The following ENTPD5 variants were observed in gnomAD, a reference collection of about 807,000 sequenced individuals.
ENTPD5 encodes ectonucleoside triphosphate diphosphohydrolase 5 (inactive), also known as nucleoside diphosphate phosphatase ENTPD5.
In ENTPD5, 49 loss-of-function variants were observed where a neutral mutation model predicts 60.2. That is an observed-to-expected ratio of 0.81 (90% CI 0.65 to 1.03). ENTPD5 has a LOEUF of 1.03. Ranked by LOEUF, ENTPD5 falls within the 50% of genes least tolerant of loss-of-function variation. ENTPD5 has a pLI of 0.00. For synonymous variants in ENTPD5, 187 were observed against 185.4 expected (o/e 1.01, Z -0.07); for missense variants, 480 against 507.6 (o/e 0.95, Z 0.52).
chr14:73,960,350 C>A, downstream of ENTPD5: 1 of 986,872 alleles, frequency 1.0e-6, no homozygotes, highest in Non-Finnish European at 1.2e-6. Context: ...TCAACAAATA[C>A]TAATAATTCT....
intron 3 of ENTPD5, among the ~76,000 whole-genome samples, chr14:74,000,762 A>C (rs1353655846): frequency 6.6e-6 from 1 of 152,072 alleles, no homozygotes; most frequent in East Asian, 1.9e-4. Flanking sequence ...TGGGCAACAG[A>C]GCAAGAACCT....
intron 14 of ENTPD5, among the ~76,000 whole-genome samples, chr14:73,970,334 A>G (rs2057169347): frequency 6.6e-6 from 1 of 152,138 alleles, no homozygotes; most frequent in South Asian, 2.1e-4. Context: ...TCTACTAAAA[A>G]TACAAAAATT....
In ENTPD5 at chr14:73,965,308, TG is replaced by T. The variant is rs1276340831; in HGVS notation, c.*1619del. 6.6e-6 allele frequency: 1 copy of T among 152,158 alleles called. No homozygotes were observed. 9.4% of individuals were successfully genotyped at this position (152,158 alleles called of 1,614,324 possible). ...AGTCTACTGTGAAAGCCACAAGTTT[TG>T]GGGAAATACACTCCTGCAAAGAAGC... On this transcript the variant is annotated 3_prime_UTR_variant, in exon 16 of 16. Transcript: ENST00000334696.
chr14:73,991,287 A>T (rs1333809220), intron 3 of ENTPD5, among the ~76,000 whole-genome samples: 2 of 151,912 alleles, frequency 1.3e-5, no homozygotes, highest in Non-Finnish European at 2.9e-5. Flanking sequence ...TCTTAATCTT[A>T]GCACTGTTTA....
At chr14:73,961,314 C>A (rs759954362), downstream of ENTPD5, 1 of 1,614,220 alleles carries the variant, frequency 6.2e-7, no homozygotes, top group South Asian at 1.1e-5. Context: ...AAGCCGAGTT[C>A]TGTTTCCTCT....
chr14:73,981,493 T>A (rs565856623), intron 6 of ENTPD5, among the ~76,000 whole-genome samples: 9 of 146,276 alleles, frequency 6.2e-5, no homozygotes, highest in African/African-American at 2.0e-4. Flanking sequence ...AAAAAAAAAA[T>A]GTATATATAT....
At chr14:73,973,561 G>A (rs1046102943) in intron 12 of ENTPD5, among the ~76,000 whole-genome samples, 2 of 152,132 alleles carry the variant, frequency 1.3e-5, no homozygotes, top group South Asian at 2.1e-4. Flanking sequence ...GTGGCATTGC[G>A]CACTATAGCC....
downstream of ENTPD5, among the ~76,000 whole-genome samples, chr14:73,962,363 C>G (rs190917651): frequency 3.0e-4 from 45 of 152,080 alleles, no homozygotes; most frequent in East Asian, 5.8e-3. Context: ...GGTGTTACGG[C>G]CCACATCTAA....
At chr14:73,985,765 C>G (rs1159340460) in intron 5 of ENTPD5, among the ~76,000 whole-genome samples, 4 of 151,956 alleles carry the variant, frequency 2.6e-5, no homozygotes, top group Non-Finnish European at 5.9e-5. Context: ...CCATGTGCTA[C>G]TGAACTAAGA....
chr14:73,956,347 C>T (rs1050626429), downstream of ENTPD5: 58 of 201,802 alleles, frequency 2.9e-4, no homozygotes, highest in African/African-American at 1.2e-3. Context: ...AAAAAAATTC[C>T]TCTGATGATT....
intron 4 of ENTPD5, chr14:73,987,146 C>G (rs2140632316): frequency 1.4e-6 from 1 of 702,096 alleles, no homozygotes; most frequent in Non-Finnish European, 2.6e-6. Context: ...CATAAGTGAC[C>G]TGAGGAAAAA....
At chr14:73,958,198 G>A, downstream of ENTPD5, 2 of 1,613,974 alleles carry the variant, frequency 1.2e-6, no homozygotes, top group Non-Finnish European at 8.5e-7. Flanking sequence ...ACCTGGCCTT[G>A]TCCATTTCCT....
chr14:73,973,874 TG>T lies in ENTPD5; in HGVS notation c.886+2del, dbSNP rs1566715862. ...CTTTAACCAGTGAAAAAACATCACTTGCCTTCTTGGTTGCCACCATACTGGT... is the reference window on the plus strand; with the variant it reads ...CTTTAACCAGTGAAAAAACATCACTTCCTTCTTGGTTGCCACCATACTGGT... On this transcript the variant is annotated splice_donor_variant, in intron 12 of 15. Transcript: ENST00000334696. LOFTEE classifies it high-confidence loss of function. 1 of 1,613,264 alleles carries T rather than the reference TG, an allele frequency of 6.2e-7. No homozygotes were observed. The highest frequency in any genetic ancestry group is 1.7e-5 in the Admixed American group (1 of 60,002).
intron 6 of ENTPD5, 56 bp downstream of exon 6, chr14:73,982,962 A>C (rs2057752299): frequency 6.4e-7 from 1 of 1,563,768 alleles, no homozygotes. Flanking sequence ...AAAACTCATA[A>C]AGTATTCATA....
At chr14:74,007,732 G>C (rs2058723702) in intron 3 of ENTPD5, 1 of 151,896 alleles carries the variant, frequency 6.6e-6, no homozygotes, top group South Asian at 2.1e-4. Flanking sequence ...GAGGCAGGAG[G>C]ATCGCTTGAG....
downstream of ENTPD5, chr14:73,958,782 C>T (rs2056565011): frequency 1.3e-6 from 2 of 1,495,832 alleles, no homozygotes; most frequent in Non-Finnish European, 8.9e-7. Context: ...CCAGCTTTGG[C>T]TCTGTTGGCT....
chr14:73,969,320 C>A (rs921016587), intron 15 of ENTPD5, among the ~76,000 whole-genome samples: 2 of 152,160 alleles, frequency 1.3e-5, no homozygotes, highest in African/African-American at 4.8e-5. Context: ...GCACTTGCAT[C>A]CTGCTTGCAC....
chr14:73,990,238 T>TGTG (rs2058076357), intron 3 of ENTPD5, among the ~76,000 whole-genome samples: 1 of 152,156 alleles, frequency 6.6e-6, no homozygotes, highest in Non-Finnish European at 1.5e-5. Context: ...AAAGGCTCTC[T>TGTG]GCCACTCTGC....
At position 74,005,710 on chromosome 14, in the gene ENTPD5, G is replaced by A. The variant is rs558629112; in HGVS notation, c.-71+5381C>T. On this transcript the variant is annotated intron_variant, in intron 3 of 15. Transcript: ENST00000334696. ...TAATCCCAGCTACTTGGGAGGCTGA[G>A]GTAGGAGGATCGCTAGAACCCAGGA... is the stretch of plus-strand genomic sequence containing the variant. Among the ~76,000 whole-genome samples the A allele has an allele frequency of 1.7e-4, 26 of 152,148 alleles. No homozygotes were observed. In the East Asian group the frequency reaches 3.7e-3, roughly 22 times the overall value.
Sources: gnomAD v4.1 joint callset for allele counts (sites outside exome capture counted in the v4.1 genomes callset) on GRCh38, gnomAD v4.1.1 for gene constraint, MANE v1.5 for transcripts, NCBI Gene and HGNC (gene_info 2026-07-23, HGNC 2026-07-21) for gene names.